ZNF493: variants seen among roughly 807,000 people sequenced by gnomAD.
ZNF493 encodes zinc finger protein 493.
A neutral mutation model predicts 12.2 loss-of-function variants in ZNF493; 11 were observed. That is an observed-to-expected ratio of 0.90 (90% CI 0.57 to 1.50). ZNF493 has a LOEUF of 1.50. ZNF493 is among the 40% of genes most tolerant of loss of function. ZNF493 has a pLI of 0.00. For synonymous variants in ZNF493, 286 were observed against 302.6 expected (o/e 0.95, Z 0.57); for missense variants, 950 against 906.6 (o/e 1.05, Z -0.61).
chr19:21,401,467 C>T (rs1114305), intron 1 of ZNF493, among the ~76,000 whole-genome samples: 145,313 of 152,058 alleles, frequency 0.96, 69,698 homozygotes, highest in Middle Eastern at 1. Context: ...GCTGTTTTTA[C>T]ATAATGGGTT....
intron 3 of ZNF493, among the ~76,000 whole-genome samples, chr19:21,419,461 G>A (rs2030589906): frequency 1.3e-5 from 2 of 152,286 alleles, no homozygotes; most frequent in East Asian, 1.9e-4. Flanking sequence ...GGAGCAAAGA[G>A]AGTCAGTCTG....
At position 21,423,406 on chromosome 19, in the gene ZNF493, C is replaced by T. The variant is rs149058995; in HGVS notation, c.747C>T (p.Asp249=). The T allele has an allele frequency of 4.5e-5, 72 of 1,613,326 alleles. No homozygotes were observed. In the African/African-American group the frequency reaches 8.2e-4, roughly 18 times the overall value. Residue 249 remains aspartate (D), a synonymous_variant, in exon 4 of 4, where the codon GAC becomes GAT. Transcript: ENST00000392288. ...AATGTGGCAAATCTTTTAACCAGGA[C>T]TCAAACCTTACTACACATAAGAGAA... is the stretch of plus-strand genomic sequence containing the variant. The part of the protein sequence containing the change: ...KYECGKSFNQ[D]SNLTTHKRIH...
chr19:21,417,271 T>TG (rs1359623051), intron 3 of ZNF493, among the ~76,000 whole-genome samples: 2 of 152,208 alleles, frequency 1.3e-5, no homozygotes, highest in African/African-American at 4.8e-5. Flanking sequence ...CTTCCCACAG[T>TG]TAAAACAAGC....
chr19:21,415,616 C>T (rs888118054), intron 3 of ZNF493, among the ~76,000 whole-genome samples: 17 of 152,268 alleles, frequency 1.1e-4, no homozygotes, highest in African/African-American at 4.1e-4. Context: ...CAAAGTATAT[C>T]AACCATATAA....
rs1431797912 is a variant in ZNF493, at chr19:21,405,421, T to C, written c.157+166T>C. On this transcript the variant is annotated intron_variant, in intron 2 of 3. Transcript: ENST00000392288. ...CGTGTGGAAAAAAATTTCTTCAGGA[T>C]GTTTTATCTTGGCCTGATCTTTTTA... The C allele has an allele frequency of 2.8e-6, 4 of 1,434,816 alleles. No homozygotes were observed. In the African/African-American group the frequency reaches 5.8e-5, roughly 21 times the overall value. 88.9% of individuals were successfully genotyped at this position (1,434,816 alleles called of 1,614,324 possible).
intron 3 of ZNF493, among the ~76,000 whole-genome samples, chr19:21,417,153 TC>T (rs1264999970): frequency 6.6e-6 from 1 of 152,206 alleles, no homozygotes; most frequent in African/African-American, 2.4e-5. Flanking sequence ...CCCAATGTTT[TC>T]CTTTTTTACA....
intron 3 of ZNF493, among the ~76,000 whole-genome samples, chr19:21,411,448 G>A (rs767758579): frequency 5.3e-5 from 8 of 151,984 alleles, no homozygotes; most frequent in South Asian, 2.1e-4. Context: ...GGTTGGGTGC[G>A]CTGTCTCACA....
intron 3 of ZNF493, among the ~76,000 whole-genome samples, chr19:21,420,728 A>G (rs2030650850): frequency 7.6e-6 from 1 of 132,014 alleles, no homozygotes; most frequent in African/African-American, 2.8e-5. Context: ...TTGCTATCTC[A>G]TAAGAGTATT....
chr19:21,424,232 G>T lies in ZNF493; in HGVS notation c.1573G>T (p.Ala525Ser), dbSNP rs775841006. Residue 525 changes from alanine (A) to serine (S), a missense_variant, in exon 4 of 4, where the codon GCT becomes TCT. Ala to Ser is a moderately conservative substitution (Grantham distance 99, BLOSUM62 1). Transcript: ENST00000392288. ...CTACAAATGTGAAGAATGTGGCAAA[G>T]CTTTTAAACGATCTTCAACCCTTAC... Reference protein sequence around the residue: ...KPYKCEECGKAFKRSSTLTIH... With the variant: ...KPYKCEECGKSFKRSSTLTIH... 10 of 1,612,194 alleles carry T rather than the reference G, an allele frequency of 6.2e-6. No homozygotes were observed. Among genetic ancestry groups the T allele is most frequent in the Non-Finnish European group, 8.5e-6 (10 of 1,178,928 alleles).
rs191854891 is a variant in ZNF493, at chr19:21,426,271, G to C, written c.*1287G>C. On this transcript the variant is annotated 3_prime_UTR_variant, in exon 4 of 4. Transcript: ENST00000392288. ...TTCATATTGGAAAAATTTCCTACAA[G>C]TAAGAACAATGTGGCAAAGTTTTTA... 1 of 188,104 alleles carries C rather than the reference G, an allele frequency of 5.3e-6. No individual in the cohort carries two copies. Among genetic ancestry groups the C allele is most frequent in the Non-Finnish European group, 1.2e-5 (1 of 80,692 alleles). The allele number at this position is 188,104 out of a possible 1,614,324, so 11.7% of individuals were successfully genotyped here.
chr19:21,420,007 C>T (rs780675706), intron 3 of ZNF493, among the ~76,000 whole-genome samples: 1 of 152,174 alleles, frequency 6.6e-6, no homozygotes, highest in Non-Finnish European at 1.5e-5. Flanking sequence ...AGGTTTTACC[C>T]TCAGGAATTA....
At chr19:21,400,313 G>A (rs1217538468) in intron 1 of ZNF493, among the ~76,000 whole-genome samples, 1 of 152,052 alleles carries the variant, frequency 6.6e-6, no homozygotes, top group Non-Finnish European at 1.5e-5. Context: ...GGGAGGCTGA[G>A]GCAGGAGAAT....
Position 21,421,223 on chromosome 19 carries a change from C to T in ZNF493, c.254-1690C>T, listed in dbSNP as rs776423468. ...TCAGGGTTTTTTTATATTTTTTTAC[C>T]TCCCTAATTTGTTTACTAATGTTTT... is the stretch of plus-strand genomic sequence containing the variant. On this transcript the variant is annotated intron_variant, in intron 3 of 3. Coordinates refer to ENST00000392288, the MANE Select transcript of ZNF493 (RefSeq NM_001076678.3). Among the ~76,000 whole-genome samples the T allele has an allele frequency of 1.2e-3, 174 of 150,560 alleles. 1 individual carries two copies. The highest frequency in any genetic ancestry group is 1.5e-3 in the Non-Finnish European group (101 of 67,710).
Position 21,423,285 on chromosome 19 carries a change from C to T in ZNF493, c.626C>T (p.Ser209Phe), listed in dbSNP as rs764436303. 2 of 1,613,784 alleles carry T rather than the reference C, an allele frequency of 1.2e-6. No homozygotes were observed. The highest frequency in any genetic ancestry group is 1.7e-6 in the Non-Finnish European group (2 of 1,179,846). ...AAAAGAATTCATATTAGAGAGAATT[C>T]TTACCGATGTGAAGAATGTGGCAAA... ...QHKRIHIREN[S>F]YRCEECGKAF... is the part of the protein sequence containing the mutation. Residue 209 changes from serine to phenylalanine, a missense_variant, in exon 4 of 4, where the codon TCT (serine) becomes TTT (phenylalanine). Ser to Phe is a radical substitution (Grantham distance 155, BLOSUM62 -2). Transcript: ENST00000392288.
intron 3 of ZNF493, among the ~76,000 whole-genome samples, chr19:21,415,427 G>C (rs1297670221): frequency 1.3e-5 from 2 of 152,076 alleles, no homozygotes; most frequent in African/African-American, 4.8e-5. Flanking sequence ...GTTTTCAATT[G>C]ATCCCTACAT....
At chr19:21,421,909 G>A (rs1413274641) in intron 3 of ZNF493, among the ~76,000 whole-genome samples, 9 of 152,072 alleles carry the variant, frequency 5.9e-5, no homozygotes, top group South Asian at 4.1e-4. Context: ...GCAGTGGCAC[G>A]ATCTCAGTTC....
chr19:21,415,738 GA>G (rs1190877543), intron 3 of ZNF493, among the ~76,000 whole-genome samples: 1 of 152,166 alleles, frequency 6.6e-6, no homozygotes, highest in African/African-American at 2.4e-5. Context: ...ATTTTCCAAT[GA>G]AAACGCTTAG....
chr19:21,420,486 T>A (rs964147003), intron 3 of ZNF493, among the ~76,000 whole-genome samples: 6 of 148,660 alleles, frequency 4.0e-5, no homozygotes, highest in African/African-American at 1.5e-4. Context: ...GCCTTTTATA[T>A]ATAAGGCAGT....
At chr19:21,416,610 G>C (rs1808234179) in intron 3 of ZNF493, among the ~76,000 whole-genome samples, 1 of 152,102 alleles carries the variant, frequency 6.6e-6, no homozygotes, top group Non-Finnish European at 1.5e-5. Flanking sequence ...TTATGTCACA[G>C]GTAGGACGTT....
Sources: gnomAD v4.1 joint callset for allele counts (sites outside exome capture counted in the v4.1 genomes callset) on GRCh38, gnomAD v4.1.1 for gene constraint, MANE v1.5 for transcripts, NCBI Gene and HGNC (gene_info 2026-07-23, HGNC 2026-07-21) for gene names.